The following DAB1 variants were observed in gnomAD, a reference collection of about 807,000 sequenced individuals.
DAB1 encodes DAB adaptor protein 1, also known as disabled homolog 1.
Under a neutral mutation model 64.6 loss-of-function variants are expected in DAB1, and 15 were observed. That is an observed-to-expected ratio of 0.23 (90% CI 0.16 to 0.36). DAB1 has a LOEUF of 0.36. Ranked by LOEUF, DAB1 falls within the 10% of genes least tolerant of loss-of-function variation. The pLI is 1.00. For synonymous variants in DAB1, 235 were observed against 251.9 expected, an observed-to-expected ratio of 0.93 and a Z score of 0.64; for missense variants, 596 against 706.7, an observed-to-expected ratio of 0.84 and a Z score of 1.78.
chr1:58,198,670 C>T (rs1557692269), intron 4 of DAB1, among the ~76,000 whole-genome samples: 1 of 152,176 alleles, frequency 6.6e-6, no homozygotes, highest in Non-Finnish European at 1.5e-5. Context: ...CCCAGCCTGG[C>T]CAATTAGGGA....
At chr1:57,405,262 A>G (rs1683539132) in intron 1 of DAB1, among the ~76,000 whole-genome samples, 2 of 152,340 alleles carry the variant, frequency 1.3e-5, no homozygotes, top group South Asian at 4.1e-4. Flanking sequence ...TGTGCCATGT[A>G]ACAGAAGAGT....
At chr1:57,295,179 A>G (rs1392624986) in intron 1 of DAB1, among the ~76,000 whole-genome samples, 1 of 152,148 alleles carries the variant, frequency 6.6e-6, no homozygotes, top group Non-Finnish European at 1.5e-5. Context: ...CATCATGACT[A>G]TAATAAATAC....
intron 2 of DAB1, among the ~76,000 whole-genome samples, chr1:57,252,693 G>A (rs555517581): frequency 2.6e-5 from 4 of 152,300 alleles, no homozygotes; most frequent in Non-Finnish European, 5.9e-5. Context: ...TTTGGTCACT[G>A]AGAAGGGCAC....
At chr1:58,132,353 C>T (rs574508733) in intron 5 of DAB1, among the ~76,000 whole-genome samples, 4 of 152,292 alleles carry the variant, frequency 2.6e-5, no homozygotes, top group African/African-American at 9.6e-5. Flanking sequence ...CCTGCGCCCA[C>T]TGTCTGGCAC....
At position 58,247,411 on chromosome 1, in the gene DAB1, C is replaced by T. The variant is rs115916593; in HGVS notation, n.309+95941G>A. ...TGTCCAAATGGAGTACCCAACTTGA[C>T]CCAAGCAAGAGCACACTCTCCAGGT... On this transcript the variant is annotated intron_variant and non_coding_transcript_variant, in intron 4 of 20. Transcript: ENST00000485760. 3.7e-3 allele frequency among the ~76,000 whole-genome samples: 556 copies of T among 152,182 alleles called. 7 individuals are homozygous for T. The highest frequency in any genetic ancestry group is 0.013 in the African/African-American group (531 of 41,506).
rs143882935 is a variant in DAB1 at position 58,088,125 on chromosome 1, C to T, written n.387+62386G>A. On this transcript the variant is annotated intron_variant and non_coding_transcript_variant, in intron 5 of 20. Coordinates refer to the DAB1 transcript ENST00000485760. Reference sequence around the variant, plus strand: ...GAGAGAGGGCTGGGTTCTGCCCACACTTAAACCAGAGTTTAAAATAGGGAA... The same window carrying T: ...GAGAGAGGGCTGGGTTCTGCCCACATTTAAACCAGAGTTTAAAATAGGGAA... Among the ~76,000 whole-genome samples the T allele has an allele frequency of 8.2e-3, 1,257 of 152,364 alleles. 21 individuals carry two copies. Among genetic ancestry groups the T allele is most frequent in the African/African-American group, 0.026 (1,095 of 41,578 alleles).
chr1:57,286,110 A>G (rs1672296031), intron 2 of DAB1, among the ~76,000 whole-genome samples: 1 of 152,248 alleles, frequency 6.6e-6, no homozygotes, highest in Non-Finnish European at 1.5e-5. Flanking sequence ...TGAATACTCT[A>G]GTTACATTTC....
intron 1 of DAB1, among the ~76,000 whole-genome samples, chr1:57,381,673 T>G (rs1049462323): frequency 8.5e-5 from 13 of 152,202 alleles, no homozygotes; most frequent in Admixed American, 7.9e-4. Flanking sequence ...GCCATCTGCC[T>G]CAGCTAGTCT....
chr1:58,442,413 T>C (rs942228194), intron 3 of DAB1, among the ~76,000 whole-genome samples: 22 of 151,688 alleles, frequency 1.5e-4, no homozygotes, highest in African/African-American at 4.6e-4. Context: ...CAGTGAGAGA[T>C]TGAAATCTAC....
chr1:58,165,312 G>A (rs1655770345), intron 4 of DAB1, among the ~76,000 whole-genome samples: 1 of 152,198 alleles, frequency 6.6e-6, no homozygotes, highest in Non-Finnish European at 1.5e-5. Context: ...GGATGTGAGA[G>A]TGTGACCCCA....
intron 1 of DAB1, among the ~76,000 whole-genome samples, chr1:57,853,521 T>G (rs1192741703): frequency 6.6e-6 from 1 of 152,198 alleles, no homozygotes; most frequent in African/African-American, 2.4e-5. Context: ...AAGAAAGGTA[T>G]ATGGTAAGAG....
intron 7 of DAB1, 95 bp from the exon 8 acceptor site, chr1:57,069,520 A>G (rs746922339): frequency 1.5e-5 from 15 of 1,031,090 alleles, no homozygotes; most frequent in Non-Finnish European, 2.0e-5. Flanking sequence ...CACAGCGAGC[A>G]TTAACGAAGC....
intron 5 of DAB1, among the ~76,000 whole-genome samples, chr1:58,091,963 C>T (rs1426230266): frequency 6.6e-6 from 1 of 151,702 alleles, no homozygotes; most frequent in Non-Finnish European, 1.5e-5. Context: ...CACACACACA[C>T]ACACAAACTA....
rs185653344 is a variant in DAB1 at position 58,150,841 on chromosome 1, C to G, written n.310-253G>C. Among the ~76,000 whole-genome samples the G allele has an allele frequency of 3.9e-5, 6 of 152,190 alleles. 1 individual carries two copies. The highest frequency in any genetic ancestry group is 3.3e-4 in the Admixed American group (5 of 15,288). On this transcript the variant is annotated intron_variant and non_coding_transcript_variant, in intron 4 of 20. Transcript: ENST00000485760. ...CTCCTAATGCTTTCCCTCCCCCCAC[C>G]GTCCCCTCACCCCACGACAAGCCCT...
At chr1:57,673,664 G>C (rs536207772) in intron 6 of DAB1, among the ~76,000 whole-genome samples, 8 of 151,664 alleles carry the variant, frequency 5.3e-5, no homozygotes, top group African/African-American at 1.7e-4. Context: ...CCTGTACCAT[G>C]AAAATAACTC....
chr1:58,049,201 T>C lies in DAB1; in HGVS notation n.387+101310A>G, dbSNP rs1242293592. ...GTTCCCTATTGCTCAAAATGGCTTC[T>C]CAGGTTCTCATCAGTGGTGTCAAAG... On this transcript the variant is annotated intron_variant and non_coding_transcript_variant, in intron 5 of 20. Coordinates refer to the DAB1 transcript ENST00000485760. The C allele has an allele frequency of 3.9e-6, 3 of 768,402 alleles. No homozygotes were observed. In the East Asian group the frequency reaches 7.3e-5, roughly 19 times the overall value. 47.6% of individuals were successfully genotyped at this position (768,402 alleles called of 1,614,324 possible).
At position 58,319,263 on chromosome 1, in the gene DAB1, C is replaced by A. The variant is rs368895584; in HGVS notation, n.309+24089G>T. ...TCCACATTGCCTACAGAATAAAATC[C>A]ATAGGTTATATCTTGTATTCATGGC... On this transcript the variant is annotated intron_variant and non_coding_transcript_variant, in intron 4 of 20. Coordinates refer to the DAB1 transcript ENST00000485760. Among the ~76,000 whole-genome samples, 13 of 152,224 alleles carry A rather than the reference C, an allele frequency of 8.5e-5. No individual in the cohort carries two copies. The East Asian group carries it at 2.3e-3, about 27-fold the overall frequency.
intron 5 of DAB1, among the ~76,000 whole-genome samples, chr1:57,898,839 A>G (rs559223380): frequency 6.6e-6 from 1 of 152,256 alleles, no homozygotes; most frequent in South Asian, 2.1e-4. Flanking sequence ...ATGTATCTAC[A>G]TTGTGTGTGT....
chr1:58,116,874 T>G (rs920824962), intron 5 of DAB1, among the ~76,000 whole-genome samples: 4 of 152,140 alleles, frequency 2.6e-5, no homozygotes, highest in African/African-American at 9.7e-5. Context: ...ATTTTTTGAT[T>G]AAAAAATACA....
Sources: gnomAD v4.1 joint callset for allele counts (sites outside exome capture counted in the v4.1 genomes callset) on GRCh38, gnomAD v4.1.1 for gene constraint, MANE v1.5 for transcripts, NCBI Gene and HGNC (gene_info 2026-07-23, HGNC 2026-07-21) for gene names.